Variants in EXT1 observed in about 807,000 individuals in gnomAD.
EXT1 encodes the protein exostosin-1.
A neutral mutation model predicts 82.5 loss-of-function variants in EXT1; 20 were observed. That is an observed-to-expected ratio of 0.24 (90% CI 0.17 to 0.35). EXT1 has a LOEUF of 0.35. Among genes scored for constraint, EXT1 ranks in the 10% least tolerant of loss-of-function variants. The pLI is 1.00. For synonymous variants in EXT1, 348 were observed against 350.8 expected (o/e 0.99, Z 0.09); for missense variants, 757 against 936.5 (o/e 0.81, Z 2.50).
At chr8:117,983,128 A>C (rs1293965281) in intron 1 of EXT1, among the ~76,000 whole-genome samples, 1 of 152,192 alleles carries the variant, frequency 6.6e-6, no homozygotes, top group Non-Finnish European at 1.5e-5. Flanking sequence ...TTTCTACATA[A>C]GTAACACCAG....
chr8:117,829,684 C>T (rs1346655069), intron 4 of EXT1, among the ~76,000 whole-genome samples: 1 of 146,642 alleles, frequency 6.8e-6, no homozygotes, highest in East Asian at 2.0e-4. Context: ...AGATATTCTC[C>T]TGCCTCAGCC....
intron 1 of EXT1, among the ~76,000 whole-genome samples, chr8:117,932,132 G>A (rs929964102): frequency 6.6e-6 from 1 of 152,118 alleles, no homozygotes; most frequent in African/African-American, 2.4e-5. Context: ...TAGAAAAATA[G>A]AGTCTCAGGC....
At chr8:118,056,677 G>T (rs17431672) in intron 1 of EXT1, among the ~76,000 whole-genome samples, 1 of 152,118 alleles carries the variant, frequency 6.6e-6, no homozygotes, top group Non-Finnish European at 1.5e-5. Context: ...CCTAGTGCTG[G>T]GGGGTCCTCT....
rs996692865 is a variant in EXT1 at position 117,889,345 on chromosome 8, C to T, written c.963-52144G>A. 7.9e-5 allele frequency among the ~76,000 whole-genome samples: 12 copies of T among 152,256 alleles called. No individual in the cohort carries two copies. In the East Asian group the frequency reaches 1.4e-3, roughly 17 times the overall value. On this transcript the variant is annotated intron_variant, in intron 1 of 10. Coordinates refer to ENST00000378204, the MANE Select transcript of EXT1 (RefSeq NM_000127.3). ...ACCCTAATCCACACCGTAACTAATT[C>T]AAGTTTTTAAAATATACACCGTGAG...
intron 8 of EXT1, among the ~76,000 whole-genome samples, chr8:117,810,200 C>T (rs1402547517): frequency 6.6e-6 from 1 of 152,084 alleles, no homozygotes; most frequent in Admixed American, 6.5e-5. Flanking sequence ...ACTATAATGC[C>T]CTTTATAGGA....
chr8:117,941,364 T>G (rs188239605), intron 1 of EXT1, among the ~76,000 whole-genome samples: 1 of 152,270 alleles, frequency 6.6e-6, no homozygotes, highest in East Asian at 1.9e-4. Flanking sequence ...CTGCAAAATT[T>G]TAAAGCAGGG....
chr8:117,926,785 A>G (rs1194703160), intron 1 of EXT1, among the ~76,000 whole-genome samples: 1 of 152,162 alleles, frequency 6.6e-6, no homozygotes, highest in Non-Finnish European at 1.5e-5. Context: ...GCCTATAAAC[A>G]TGTTTATTTA....
chr8:118,021,337 A>G (rs776742181), intron 1 of EXT1, among the ~76,000 whole-genome samples: 1 of 152,168 alleles, frequency 6.6e-6, no homozygotes, highest in Non-Finnish European at 1.5e-5. Flanking sequence ...TCCAACATGA[A>G]AATTCTCTCT....
chr8:118,081,871 A>G (rs1315763598), intron 1 of EXT1, among the ~76,000 whole-genome samples: 1 of 152,334 alleles, frequency 6.6e-6, no homozygotes, highest in South Asian at 2.1e-4. Context: ...CAGTCTGTAC[A>G]TTATTTGCCT....
chr8:117,866,457 G>T (rs566152039), intron 1 of EXT1, among the ~76,000 whole-genome samples: 24 of 152,190 alleles, frequency 1.6e-4, no homozygotes, highest in African/African-American at 4.8e-4. Context: ...CCAGCCAGCC[G>T]ACTGAACAGG....
At position 118,072,490 on chromosome 8, in the gene EXT1, G is replaced by C. The variant is rs17505945; in HGVS notation, c.962+37595C>G. Among the ~76,000 whole-genome samples, 1,471 of 152,248 alleles carry C rather than the reference G, an allele frequency of 9.7e-3. 23 individuals carry two copies. The highest frequency in any genetic ancestry group is 0.033 in the African/African-American group (1,350 of 41,526). On this transcript the variant is annotated intron_variant, in intron 1 of 10. Coordinates refer to ENST00000378204, the MANE Select transcript of EXT1 (RefSeq NM_000127.3). ...CAGCAAGACTCTAGCTTACCCTAAGGGGGGAGACCCTTTTTGCTTCTCTCG... is the reference window on the plus strand; with the variant it reads ...CAGCAAGACTCTAGCTTACCCTAAGCGGGGAGACCCTTTTTGCTTCTCTCG...
intron 1 of EXT1, among the ~76,000 whole-genome samples, chr8:117,850,749 A>G (rs949878142): frequency 2.0e-5 from 3 of 152,146 alleles, no homozygotes; most frequent in Non-Finnish European, 2.9e-5. Context: ...ACTAACATGA[A>G]AAGGATTTTT....
At chr8:117,849,815 T>C (rs11780721) in intron 1 of EXT1, among the ~76,000 whole-genome samples, 45,131 of 152,156 alleles carry the variant, frequency 0.3, 7,518 homozygotes, top group Middle Eastern at 0.41. Flanking sequence ...ACATATGAGG[T>C]AAAATGCAGA....
intron 1 of EXT1, among the ~76,000 whole-genome samples, chr8:117,897,591 C>CTCTTTTT (rs775608794): frequency 2.2e-5 from 2 of 90,656 alleles, no homozygotes; most frequent in African/African-American, 8.8e-5. Context: ...CTTCTTTTCT[C>CTCTTTTT]TTTTTTTTTT....
At chr8:117,883,876 A>T (rs1813103382) in intron 1 of EXT1, among the ~76,000 whole-genome samples, 1 of 152,198 alleles carries the variant, frequency 6.6e-6, no homozygotes, top group Non-Finnish European at 1.5e-5. Context: ...TGAATTACAC[A>T]GTGTAGTTCC....
intron 1 of EXT1, among the ~76,000 whole-genome samples, chr8:118,096,219 T>C (rs1817608645): frequency 6.6e-6 from 1 of 152,234 alleles, no homozygotes; most frequent in Non-Finnish European, 1.5e-5. Context: ...ATAATGTTTT[T>C]TCCTGTACCA....
rs17503377 is a variant in EXT1, at chr8:117,829,945, G to A, written c.1284+285C>T. Among the ~76,000 whole-genome samples the A allele has an allele frequency of 0.089, 13,539 of 152,114 alleles. 759 individuals carry two copies. The highest frequency in any genetic ancestry group is 0.16 in the African/African-American group (6,737 of 41,460). ...GCCATTGAGTGTAAATGACAAGACA[G>A]TCATGACCCACATATCCCTGAAATG... On this transcript the variant is annotated intron_variant, in intron 4 of 10. Coordinates refer to ENST00000378204, the MANE Select transcript of EXT1 (RefSeq NM_000127.3).
chr8:117,909,938 T>C (rs2129987260), intron 1 of EXT1, among the ~76,000 whole-genome samples: 1 of 152,254 alleles, frequency 6.6e-6, no homozygotes. Flanking sequence ...CAGCTAATTT[T>C]TGTATTTTTA....
At chr8:117,814,863 G>C (rs1039042051) in intron 7 of EXT1, among the ~76,000 whole-genome samples, 1 of 152,102 alleles carries the variant, frequency 6.6e-6, no homozygotes. Context: ...TCATCTGCAG[G>C]CCTCATCTCA....
Sources: gnomAD v4.1 joint callset for allele counts (sites outside exome capture counted in the v4.1 genomes callset) on GRCh38, gnomAD v4.1.1 for gene constraint, MANE v1.5 for transcripts, NCBI Gene and HGNC (gene_info 2026-07-23, HGNC 2026-07-21) for gene names.